Variants in FGF6 observed in about 807,000 individuals in gnomAD.
FGF6 encodes fibroblast growth factor 6, also known as FGF-6.
Under a neutral mutation model 18.4 loss-of-function variants are expected in FGF6, and 14 were observed. That is an observed-to-expected ratio of 0.76 (90% confidence interval 0.50 to 1.19). The LOEUF is 1.19. Ranked by LOEUF, FGF6 falls within the 50% of genes most tolerant of loss-of-function variation. The probability of loss-of-function intolerance (pLI) is 0.00; values close to 1 mark genes in which losing one functional copy is unlikely to be tolerated. For missense variants in FGF6, 266 were observed against 271.6 expected (o/e 0.98, Z 0.15); for synonymous variants, 125 against 116.7 (o/e 1.07, Z -0.46).
chr12:4,439,718 C>A (rs1865668154), intron 2 of FGF6, among the ~76,000 whole-genome samples: 1 of 145,444 alleles, frequency 6.9e-6, no homozygotes, highest in Non-Finnish European at 1.5e-5. Context: ...TCTTTCCATT[C>A]TGCCCTTTTC....
chr12:4,438,386 A>G (rs117691252), intron 2 of FGF6, among the ~76,000 whole-genome samples: 277 of 152,342 alleles, frequency 1.8e-3, no homozygotes, highest in Non-Finnish European at 3.2e-3. Flanking sequence ...TTCCACTCCT[A>G]GAAATTTATC....
chr12:4,444,959 A>G (rs1380723568), intron 1 of FGF6, among the ~76,000 whole-genome samples: 1 of 152,164 alleles, frequency 6.6e-6, no homozygotes, highest in Non-Finnish European at 1.5e-5. Context: ...TAATGGTCTT[A>G]CAAGGCATCA....
chr12:4,442,886 C>A (rs11610220), intron 2 of FGF6, among the ~76,000 whole-genome samples: 1 of 152,148 alleles, frequency 6.6e-6, no homozygotes, highest in African/African-American at 2.4e-5. Context: ...CCAAGCCTGC[C>A]TGTTCCTCAG....
chr12:4,439,288 C>G (rs937567271), intron 2 of FGF6, among the ~76,000 whole-genome samples: 4 of 152,216 alleles, frequency 2.6e-5, no homozygotes, highest in Non-Finnish European at 4.4e-5. Flanking sequence ...AGCCTCCCCC[C>G]TGTTCTAACT....
intron 2 of FGF6, among the ~76,000 whole-genome samples, chr12:4,438,106 G>A (rs1865645539): frequency 6.6e-6 from 1 of 152,082 alleles, no homozygotes; most frequent in Non-Finnish European, 1.5e-5. Context: ...TTATAAAACA[G>A]AAAATTCCCA....
chr12:4,441,482 G>A (rs560108406), intron 2 of FGF6, among the ~76,000 whole-genome samples: 72 of 152,260 alleles, frequency 4.7e-4, no homozygotes, highest in Non-Finnish European at 9.4e-4. Flanking sequence ...CTGTGAATCC[G>A]AGCACAAGCA....
At chr12:4,434,975 C>T (rs1019850304) in intron 2 of FGF6, among the ~76,000 whole-genome samples, 3 of 151,970 alleles carry the variant, frequency 2.0e-5, no homozygotes, top group African/African-American at 7.2e-5. Context: ...GGAGGAGACA[C>T]AAGTGATCTC....
intron 2 of FGF6, among the ~76,000 whole-genome samples, chr12:4,436,566 A>G (rs1294065668): frequency 6.6e-6 from 1 of 152,068 alleles, no homozygotes; most frequent in African/African-American, 2.4e-5. Context: ...GCAGTGAGCC[A>G]TGATTGCTCC....
intron 2 of FGF6, among the ~76,000 whole-genome samples, chr12:4,442,347 G>A (rs1279354274): frequency 5.3e-5 from 8 of 152,104 alleles, no homozygotes; most frequent in African/African-American, 1.4e-4. Context: ...TTCCCTTCCC[G>A]AGCCTTTCCC....
At chr12:4,439,376 G>A (rs1356548655) in intron 2 of FGF6, among the ~76,000 whole-genome samples, 1 of 152,144 alleles carries the variant, frequency 6.6e-6, no homozygotes, top group Non-Finnish European at 1.5e-5. Flanking sequence ...TTAAGGGAGA[G>A]GTTTCGTGTG....
chr12:4,436,312 T>C (rs1006074558), intron 2 of FGF6, among the ~76,000 whole-genome samples: 14 of 151,534 alleles, frequency 9.2e-5, no homozygotes, highest in Admixed American at 5.3e-4. Flanking sequence ...TGATGCTGAG[T>C]GGATGGTGGT....
chr12:4,443,503 C>A (rs1445703324), intron 2 of FGF6, among the ~76,000 whole-genome samples: 1 of 152,100 alleles, frequency 6.6e-6, no homozygotes, highest in Non-Finnish European at 1.5e-5. Context: ...AAGCTGGTTG[C>A]ATTAACCCAA....
intron 2 of FGF6, among the ~76,000 whole-genome samples, chr12:4,438,577 A>G (rs191891212): frequency 1.1e-4 from 17 of 152,146 alleles, no homozygotes; most frequent in Non-Finnish European, 2.5e-4. Flanking sequence ...CCTGGTCAAC[A>G]TGGTGAAACC....
Position 4,434,336 on chromosome 12 carries a change from T to G in FGF6, c.506A>C (p.Asn169Thr). ...FRETLLPNNYNAYESDLYQGT... is the reference protein window; with the variant it reads ...FRETLLPNNYTAYESDLYQGT... ...TTGGTACAAGTCTGACTCGTAGGCA[T>G]TGTAATTGTTGGGCAGGAGGGTTTC... The change falls in exon 3 of 3, where the codon AAT (asparagine) becomes ACT (threonine). Residue 169 changes from asparagine to threonine, a missense_variant. By Grantham distance (65) the Asn-to-Thr change is moderately conservative (BLOSUM62 0). Transcript: ENST00000228837. 8 of 1,614,086 alleles carry G rather than the reference T, an allele frequency of 5.0e-6. No homozygotes were observed. Among genetic ancestry groups the G allele is most frequent in the Non-Finnish European group, 5.9e-6 (7 of 1,179,990 alleles).
chr12:4,442,206 C>T (rs1362276644), intron 2 of FGF6, among the ~76,000 whole-genome samples: 2 of 150,424 alleles, frequency 1.3e-5, no homozygotes, highest in African/African-American at 2.4e-5. Context: ...CAGCCAGTAA[C>T]GGTGCTGCAG....
chr12:4,445,684 G>A lies in FGF6; in HGVS notation c.-114C>T. 2 of 875,546 alleles carry A rather than the reference G, an allele frequency of 2.3e-6. No individual in the cohort carries two copies. Among genetic ancestry groups the A allele is most frequent in the South Asian group, 1.8e-5 (1 of 55,746 alleles). The allele number at this position is 875,546 out of a possible 1,614,324, so 54.2% of individuals were successfully genotyped here. ...GCTTATTTTTGGAAGGCAGATGAAGGCTGCTGACATGAAACCAAAGCCTCC... is the reference window on the plus strand; with the variant it reads ...GCTTATTTTTGGAAGGCAGATGAAGACTGCTGACATGAAACCAAAGCCTCC... On this transcript the variant is annotated 5_prime_UTR_variant, in exon 1 of 3. Coordinates refer to ENST00000228837, the MANE Select transcript of FGF6 (RefSeq NM_020996.3). The surrounding 1 kb of genome is among the most constrained non-coding windows in gnomAD (Gnocchi z 5.5).
intron 2 of FGF6, among the ~76,000 whole-genome samples, chr12:4,436,593 G>A (rs1029893214): frequency 2.6e-5 from 4 of 152,152 alleles, no homozygotes; most frequent in African/African-American, 9.7e-5. Context: ...CTCCAGCCTG[G>A]GTGACAGAGT....
At chr12:4,436,596 GAC>G (rs1316478769) in intron 2 of FGF6, among the ~76,000 whole-genome samples, 1 of 152,178 alleles carries the variant, frequency 6.6e-6, no homozygotes, top group East Asian at 1.9e-4. Flanking sequence ...CAGCCTGGGT[GAC>G]AGAGTGAGGC....
In FGF6 at chr12:4,445,146, A is replaced by G. The variant is rs2137032266; in HGVS notation, c.346+79T>C. The G allele has an allele frequency of 1.6e-6, 2 of 1,213,578 alleles. No homozygotes were observed. The highest frequency in any genetic ancestry group is 4.2e-5 in the Admixed American group (2 of 47,658). 75.2% of individuals were successfully genotyped at this position (1,213,578 alleles called of 1,614,324 possible). A position where few individuals can be genotyped will look rare whatever the true frequency, so the allele number is the denominator to read the frequency against. ...CCCTTTATCGTGCATCCTGTCCGCT[A>G]GAGCAGGGCCCCTTCACCTTTTAGC... On this transcript the variant is annotated intron_variant, in intron 1 of 2. Transcript: ENST00000228837. The surrounding 1 kb of genome is among the most constrained non-coding windows in gnomAD (Gnocchi z 5.5).
Sources: allele counts gnomAD v4.1 joint callset (sites outside exome capture counted in the v4.1 genomes callset), GRCh38; gene constraint gnomAD v4.1.1; non-coding constraint Gnocchi (gnomAD v3.1); transcripts MANE v1.5; gene names NCBI Gene and HGNC (gene_info 2026-07-23, HGNC 2026-07-21).